Variants in AMOTL1 observed in about 807,000 individuals in gnomAD.
AMOTL1 encodes the protein angiomotin-like protein 1.
In AMOTL1, 45 loss-of-function variants were observed where a neutral mutation model predicts 102.9. The observed-to-expected ratio is 0.44, with a 90% CI of 0.34 to 0.56. The LOEUF is 0.56. Among genes scored for constraint, AMOTL1 ranks in the 20% least tolerant of loss-of-function variants. AMOTL1 has a pLI of 0.01. For synonymous variants in AMOTL1, 481 were observed against 484.7 expected (o/e 0.99, Z 0.10); for missense variants, 1,114 against 1,225.6 (o/e 0.91, Z 1.36).
chr11:94,859,498 A>T lies in AMOTL1; in HGVS notation c.1945-27A>T, dbSNP rs968761859. 3 of 1,592,524 alleles carry T rather than the reference A, an allele frequency of 1.9e-6. No homozygotes were observed. The African/African-American group carries it at 4.0e-5, about 21-fold the overall frequency. On this transcript the variant is annotated intron_variant, in intron 8 of 12. Transcript: ENST00000433060. The stretch of plus-strand genomic sequence containing the variant: ...AGACAGCATTGATGTGGTTTTGAGC[A>T]TCAAGATTTTTTTTCTACTCCTTCA...
chr11:94,713,530 T>C (rs972119170), intron 1 of AMOTL1, among the ~76,000 whole-genome samples: 3 of 151,826 alleles, frequency 2.0e-5, no homozygotes, highest in Non-Finnish European at 2.9e-5. Flanking sequence ...TCTGCACTTA[T>C]GTGAGTCTTC....
At chr11:94,838,132 C>T (rs74925080) in intron 6 of AMOTL1, among the ~76,000 whole-genome samples, 1 of 152,212 alleles carries the variant, frequency 6.6e-6, no homozygotes, top group African/African-American at 2.4e-5. Context: ...ACACTCATCA[C>T]AACTGTAAAT....
chr11:94,843,287 G>C (rs1212233036), intron 6 of AMOTL1, among the ~76,000 whole-genome samples: 2 of 152,128 alleles, frequency 1.3e-5, no homozygotes, highest in South Asian at 4.1e-4. Context: ...TAGATCACTC[G>C]TATGTGTTGT....
At chr11:94,849,838 T>C (rs1952493734) in intron 6 of AMOTL1, among the ~76,000 whole-genome samples, 1 of 152,122 alleles carries the variant, frequency 6.6e-6, no homozygotes, top group South Asian at 2.1e-4. Flanking sequence ...TGAAAGTCAA[T>C]GTTGTAGAGA....
At chr11:94,760,440 C>T (rs1489388714) in intron 3 of AMOTL1, among the ~76,000 whole-genome samples, 4 of 152,216 alleles carry the variant, frequency 2.6e-5, no homozygotes. Context: ...CACAGGGTAC[C>T]TGCAGGGACT....
upstream of AMOTL1, among the ~76,000 whole-genome samples, chr11:94,764,955 T>C (rs1019848121): frequency 1.3e-5 from 2 of 152,210 alleles, no homozygotes; most frequent in East Asian, 1.9e-4. Context: ...AGATAGAACA[T>C]GGACTAGAAG....
chr11:94,766,204 CCT>C (rs1950853076), upstream of AMOTL1, among the ~76,000 whole-genome samples: 1 of 152,200 alleles, frequency 6.6e-6, no homozygotes, highest in Admixed American at 6.5e-5. Context: ...CTTTTTATCA[CCT>C]CTGTCAACCT....
intron 1 of AMOTL1, among the ~76,000 whole-genome samples, chr11:94,724,127 T>C (rs1007757385): frequency 6.6e-6 from 1 of 152,146 alleles, no homozygotes; most frequent in Non-Finnish European, 1.5e-5. Context: ...TCTTCCCTCT[T>C]GTGCTTCAGT....
intron 6 of AMOTL1, among the ~76,000 whole-genome samples, chr11:94,842,439 G>A (rs979801507): frequency 1.3e-5 from 2 of 152,178 alleles, no homozygotes; most frequent in African/African-American, 4.8e-5. Context: ...TGGGGGAGAA[G>A]CCTATAGCCT....
intron 2 of AMOTL1, among the ~76,000 whole-genome samples, chr11:94,795,903 G>A (rs924837613): frequency 5.9e-5 from 9 of 152,014 alleles, no homozygotes; most frequent in African/African-American, 2.2e-4. Flanking sequence ...TACCCTGAGG[G>A]GAGGACTGTG....
chr11:94,865,634 C>T (rs1952866171), intron 10 of AMOTL1, among the ~76,000 whole-genome samples: 1 of 152,194 alleles, frequency 6.6e-6, no homozygotes, highest in Non-Finnish European at 1.5e-5. Flanking sequence ...CCGGCCCCCA[C>T]CGCCAATGCT....
intron 6 of AMOTL1, among the ~76,000 whole-genome samples, chr11:94,842,899 T>C (rs1287681308): frequency 2.0e-5 from 3 of 152,170 alleles, no homozygotes; most frequent in Non-Finnish European, 2.9e-5. Context: ...CCTTCTTAAT[T>C]TTCCTTATTA....
intron 2 of AMOTL1, among the ~76,000 whole-genome samples, chr11:94,740,576 G>C (rs1047006458): frequency 6.6e-6 from 1 of 151,706 alleles, no homozygotes; most frequent in Non-Finnish European, 1.5e-5. Flanking sequence ...CTGGGGCGTC[G>C]GCGCCAGGCC....
chr11:94,840,560 C>T (rs1024530593), intron 6 of AMOTL1, among the ~76,000 whole-genome samples: 4 of 151,084 alleles, frequency 2.6e-5, no homozygotes, highest in Admixed American at 6.6e-5. Flanking sequence ...CAACTTTTTC[C>T]GCCGGATGTA....
rs1389896739 is a variant in AMOTL1 at position 94,827,043 on chromosome 11, AG to A, written c.1414-3006del. Among the ~76,000 whole-genome samples, 5 of 152,324 alleles carry A rather than the reference AG, an allele frequency of 3.3e-5. No individual in the cohort carries two copies. The Middle Eastern group carries it at 0.01, about 311-fold the overall frequency. The stretch of plus-strand genomic sequence containing the variant: ...AGTAAAAGGAAAGAATGCATGATTC[AG>A]TGTCCAAGTCTGTCTTTAGAAGTTA... On this transcript the variant is annotated intron_variant, in intron 4 of 12. Coordinates refer to ENST00000433060, the MANE Select transcript of AMOTL1 (RefSeq NM_130847.3).
At chr11:94,841,505 G>A (rs944711361) in intron 6 of AMOTL1, among the ~76,000 whole-genome samples, 16 of 152,278 alleles carry the variant, frequency 1.1e-4, no homozygotes, top group African/African-American at 2.4e-4. Flanking sequence ...TTCAGTGGTG[G>A]TTACAAAAAG....
Position 94,795,095 on chromosome 11 carries a change from A to T in AMOTL1, c.134A>T (p.Tyr45Phe). 6.2e-7 allele frequency: 1 copy of T among 1,613,864 alleles called. No individual in the cohort carries two copies. Among genetic ancestry groups the T allele is most frequent in the Non-Finnish European group, 8.5e-7 (1 of 1,179,860 alleles). ...STYFSPDFQL[Y>F]SGRHETSALT... ...TACTTTTCCCCAGACTTTCAGCTCT[A>T]TTCTGGGAGGCATGAAACATCTGCT... is the stretch of plus-strand genomic sequence containing the variant. Residue 45 changes from tyrosine (Y) to phenylalanine (F), a missense_variant, in exon 2 of 13, where the codon TAT (tyrosine) becomes TTT (phenylalanine). Coordinates refer to ENST00000433060, the MANE Select transcript of AMOTL1 (RefSeq NM_130847.3).
At chr11:94,804,731 T>A (rs567225531) in intron 3 of AMOTL1, among the ~76,000 whole-genome samples, 3 of 152,348 alleles carry the variant, frequency 2.0e-5, no homozygotes, top group Non-Finnish European at 4.4e-5. Context: ...ACTTATATAT[T>A]ATAATGGACT....
At chr11:94,756,744 T>A (rs1294746456) in intron 3 of AMOTL1, among the ~76,000 whole-genome samples, 2 of 152,118 alleles carry the variant, frequency 1.3e-5, no homozygotes, top group Non-Finnish European at 2.9e-5. Context: ...TATGGCCGAG[T>A]TTCCCCATCC....
Sources: gnomAD v4.1 joint callset for allele counts (sites outside exome capture counted in the v4.1 genomes callset) on GRCh38, gnomAD v4.1.1 for gene constraint, MANE v1.5 for transcripts, NCBI Gene and HGNC (gene_info 2026-07-23, HGNC 2026-07-21) for gene names.